Variants in LAMA2 observed in about 807,000 individuals in gnomAD.
LAMA2 encodes laminin subunit alpha-2.
LAMA2 carries 269 observed loss-of-function variants against 364.8 expected under a neutral mutation model. The ratio of observed to expected loss-of-function variants is 0.74; its 90% CI spans 0.67 to 0.82. The LOEUF (loss-of-function observed/expected upper bound fraction) is 0.82, where lower values mean the gene tolerates loss of function less well. LAMA2 is among the 40% of genes least tolerant of loss of function. The pLI is 0.00. For synonymous variants in LAMA2, 1,379 were observed against 1,370.6 expected (o/e 1.01, Z -0.14); for missense variants, 3,807 against 3,873.2 (o/e 0.98, Z 0.45).
At position 129,365,829 on chromosome 6, in the gene LAMA2, T is replaced by C. The variant is rs553498223; in HGVS notation, c.4718-390T>C. On this transcript the variant is annotated intron_variant, in intron 32 of 64. Transcript: ENST00000421865. The stretch of plus-strand genomic sequence containing the variant: ...CACACATTTAGACTCTGGAGCATGT[T>C]TTATTCCCTGTGGACAGGTTCCTTT... Among the ~76,000 whole-genome samples, 316 of 152,318 alleles carry C rather than the reference T, an allele frequency of 2.1e-3. 1 individual carries two copies. Among genetic ancestry groups the C allele is most frequent in the African/African-American group, 7.4e-3 (307 of 41,570 alleles).
intron 3 of LAMA2, among the ~76,000 whole-genome samples, chr6:129,083,953 G>A (rs1313418612): frequency 6.6e-6 from 1 of 152,138 alleles, no homozygotes; most frequent in Non-Finnish European, 1.5e-5. Context: ...GATTTTGAGA[G>A]CCAGTGCAAA....
chr6:128,968,054 C>G (rs894865593), intron 1 of LAMA2, among the ~76,000 whole-genome samples: 10 of 152,144 alleles, frequency 6.6e-5, no homozygotes, highest in Admixed American at 3.9e-4. Context: ...TTCTACAGAT[C>G]AAAATGCATT....
intron 19 of LAMA2, among the ~76,000 whole-genome samples, chr6:129,288,651 A>G (rs1048390019): frequency 7.2e-5 from 11 of 152,210 alleles, no homozygotes; most frequent in Non-Finnish European, 1.0e-4. Context: ...TTCCTTCCAC[A>G]AAATTAGCTA....
At chr6:128,945,654 A>G (rs867860486) in intron 1 of LAMA2, among the ~76,000 whole-genome samples, 19 of 152,212 alleles carry the variant, frequency 1.2e-4, no homozygotes, top group African/African-American at 4.3e-4. Flanking sequence ...TGCTTTTTAA[A>G]TGACTTCTCT....
intron 34 of LAMA2, among the ~76,000 whole-genome samples, chr6:129,374,358 T>G (rs1470274359): frequency 6.6e-6 from 1 of 152,082 alleles, no homozygotes; most frequent in Non-Finnish European, 1.5e-5. Context: ...ATGACTACAT[T>G]AGAGGAGACA....
intron 2 of LAMA2, among the ~76,000 whole-genome samples, chr6:129,050,801 A>T (rs1316109098): frequency 1.3e-5 from 2 of 152,206 alleles, no homozygotes; most frequent in East Asian, 1.9e-4. Context: ...GAGCCAGATT[A>T]TGAAGGCATT....
chr6:128,982,468 A>G (rs1189992801), intron 1 of LAMA2, among the ~76,000 whole-genome samples: 1 of 152,158 alleles, frequency 6.6e-6, no homozygotes, highest in Non-Finnish European at 1.5e-5. Context: ...CAAAAACATA[A>G]CATTGAGTGA....
chr6:129,047,523 C>G (rs919227316), intron 1 of LAMA2, among the ~76,000 whole-genome samples: 2 of 151,956 alleles, frequency 1.3e-5, no homozygotes, highest in Non-Finnish European at 2.9e-5. Flanking sequence ...TTGGGGGTCA[C>G]TATTTTGGAG....
At chr6:129,353,392 C>T in intron 32 of LAMA2, 35 bp downstream of exon 32, 1 of 1,559,646 alleles carries the variant, frequency 6.4e-7, no homozygotes. Flanking sequence ...GTTTTGGAGG[C>T]CTTGATTCCA....
chr6:129,414,555 A>T (rs1045260762), intron 40 of LAMA2, among the ~76,000 whole-genome samples: 4 of 152,138 alleles, frequency 2.6e-5, no homozygotes, highest in Non-Finnish European at 5.9e-5. Flanking sequence ...CTTATTTCCT[A>T]CTTAAATAGT....
At chr6:129,506,406 A>G (rs2114906314) in intron 61 of LAMA2, among the ~76,000 whole-genome samples, 1 of 152,286 alleles carries the variant, frequency 6.6e-6, no homozygotes, top group East Asian at 1.9e-4. Context: ...TTGGAAGAGT[A>G]GCAGGCATAT....
chr6:129,235,645 T>C (rs1194669322), intron 12 of LAMA2, among the ~76,000 whole-genome samples: 2 of 152,260 alleles, frequency 1.3e-5, no homozygotes, highest in Admixed American at 6.5e-5. Context: ...TAGAAAATAG[T>C]AAAGAACAGT....
In LAMA2 at chr6:129,173,395, A is replaced by C. The variant is rs368766210; in HGVS notation, c.1307-4311A>C. Among the ~76,000 whole-genome samples, 107 of 152,262 alleles carry C rather than the reference A, an allele frequency of 7.0e-4. 4 individuals are homozygous for C. In the South Asian group the frequency reaches 0.021, roughly 29 times the overall value. On this transcript the variant is annotated intron_variant, in intron 9 of 64. Transcript: ENST00000421865. ...CTTCTACGATATCTTTATCATGTTC[A>C]AGAGAGCTTACATGTCTATTTCATC...
intron 47 of LAMA2, among the ~76,000 whole-genome samples, chr6:129,455,897 A>AT (rs956571896): frequency 6.6e-6 from 1 of 152,194 alleles, no homozygotes; most frequent in Non-Finnish European, 1.5e-5. Context: ...AGGGTGGCTC[A>AT]TTTGGGGTCC....
intron 45 of LAMA2, among the ~76,000 whole-genome samples, chr6:129,448,163 T>C (rs2114779551): frequency 6.6e-6 from 1 of 152,164 alleles, no homozygotes; most frequent in South Asian, 2.1e-4. Context: ...TACATGCCTA[T>C]AGTCCCAGCT....
chr6:129,024,770 A>G (rs746632365), intron 1 of LAMA2, among the ~76,000 whole-genome samples: 7 of 152,052 alleles, frequency 4.6e-5, no homozygotes, highest in Non-Finnish European at 8.8e-5. Context: ...ATTAGGCAGA[A>G]GTATGCTTAT....
intron 1 of LAMA2, among the ~76,000 whole-genome samples, chr6:128,945,564 A>G (rs1780437908): frequency 6.6e-6 from 1 of 152,254 alleles, no homozygotes; most frequent in Admixed American, 6.5e-5. Context: ...ATTTTCACAG[A>G]ATAAAAATAA....
intron 1 of LAMA2, among the ~76,000 whole-genome samples, chr6:128,901,539 A>C (rs1325907958): frequency 3.9e-5 from 6 of 152,348 alleles, no homozygotes; most frequent in South Asian, 4.1e-4. Context: ...AAACAGTGAA[A>C]CCTTCTAGAT....
intron 1 of LAMA2, among the ~76,000 whole-genome samples, chr6:128,910,092 G>A (rs11962799): frequency 0.011 from 1,614 of 152,078 alleles, 36 homozygotes; most frequent in African/African-American, 0.037. Context: ...TTTCAACTTT[G>A]GTGAATCTGA....
Sources: allele counts gnomAD v4.1 joint callset (sites outside exome capture counted in the v4.1 genomes callset), GRCh38; gene constraint gnomAD v4.1.1; transcripts MANE v1.5; gene names NCBI Gene and HGNC (gene_info 2026-07-23, HGNC 2026-07-21).